KSR1: variants seen among roughly 807,000 people sequenced by gnomAD.
KSR1 encodes the protein kinase suppressor of ras 1.
Under a neutral mutation model 92.9 loss-of-function variants are expected in KSR1, and 35 were observed. The ratio of observed to expected loss-of-function variants is 0.38; its 90% CI spans 0.29 to 0.50. KSR1 has a LOEUF of 0.50. Among genes scored for constraint, KSR1 ranks in the 20% least tolerant of loss-of-function variants. The pLI, the probability that KSR1 is intolerant of heterozygous loss-of-function variation, is 0.94. For synonymous variants in KSR1, 467 were observed against 472.6 expected (o/e 0.99, Z 0.15); for missense variants, 972 against 1,158.5 (o/e 0.84, Z 2.34).
At chr17:27,533,955 G>A (rs1484890061) in intron 1 of KSR1, among the ~76,000 whole-genome samples, 1 of 135,730 alleles carries the variant, frequency 7.4e-6, no homozygotes, top group African/African-American at 3.0e-5. Flanking sequence ...TGACAGGTGC[G>A]TGTGCGCACG....
intron 10 of KSR1, among the ~76,000 whole-genome samples, chr17:27,599,532 G>A (rs1220694992): frequency 6.6e-6 from 1 of 152,196 alleles, no homozygotes; most frequent in African/African-American, 2.4e-5. Context: ...ACTCCAGCCT[G>A]GGTGACAGAG....
intron 2 of KSR1, among the ~76,000 whole-genome samples, chr17:27,573,946 A>G (rs1192650816): frequency 6.6e-6 from 1 of 152,242 alleles, no homozygotes; most frequent in Non-Finnish European, 1.5e-5. Flanking sequence ...GGAGGAGATG[A>G]ATAAAAAGAA....
rs1440473704 is a variant in KSR1 at position 27,624,142 on chromosome 17, G to C, written c.*750G>C. 2.0e-5 allele frequency: 3 copies of C among 152,572 alleles called. No individual in the cohort carries two copies. The highest frequency in any genetic ancestry group is 7.2e-5 in the African/African-American group (3 of 41,464). The allele number at this position is 152,572 out of a possible 1,614,324, so 9.5% of individuals were successfully genotyped here. On this transcript the variant is annotated 3_prime_UTR_variant, in exon 21 of 21. Coordinates refer to ENST00000644974, the MANE Select transcript of KSR1 (RefSeq NM_001394583.1). ...TGAGGAAACATCCATGGCTTGTACA[G>C]ATGTGAGTCTTTGATGAAGCCCCCA...
At chr17:27,479,448 C>T (rs2068448351) in intron 1 of KSR1, among the ~76,000 whole-genome samples, 1 of 152,200 alleles carries the variant, frequency 6.6e-6, no homozygotes, top group Admixed American at 6.5e-5. Flanking sequence ...TCCCAGGTTG[C>T]ACCCCTCACC....
At chr17:27,597,516 C>A in intron 10 of KSR1, 80 bp downstream of exon 10, 1 of 1,407,056 alleles carries the variant, frequency 7.1e-7, no homozygotes, top group Non-Finnish European at 9.6e-7. Context: ...TCGGCAGATT[C>A]AAGGTCAGAC....
At chr17:27,571,846 C>T (rs2072321574) in intron 2 of KSR1, among the ~76,000 whole-genome samples, 1 of 152,258 alleles carries the variant, frequency 6.6e-6, no homozygotes, top group Non-Finnish European at 1.5e-5. Context: ...TCCTGGTCCA[C>T]CTGACTGGCC....
intron 1 of KSR1, among the ~76,000 whole-genome samples, chr17:27,470,465 C>T (rs144201700): frequency 5.8e-4 from 88 of 152,070 alleles, no homozygotes; most frequent in African/African-American, 2.0e-3. Context: ...TGATCTCAAA[C>T]CCCTGACCTC....
intron 1 of KSR1, among the ~76,000 whole-genome samples, chr17:27,542,532 G>A (rs1023006981): frequency 2.0e-5 from 3 of 152,146 alleles, no homozygotes; most frequent in Non-Finnish European, 4.4e-5. Context: ...GGGTTTGAGA[G>A]TTGCCCACAG....
intron 18 of KSR1, 78 bp from the exon 19 acceptor site, chr17:27,617,206 ATCAAAGGGACC>A: frequency 7.1e-7 from 1 of 1,403,202 alleles, no homozygotes; most frequent in Non-Finnish European, 9.4e-7. Flanking sequence ...ACTTGAGAAC[ATCAAAGGGACC>A]CTTTGTGGAG....
rs972696525 is a variant in KSR1 at position 27,622,073 on chromosome 17, C to T, written c.2708+800C>T. The T allele has an allele frequency of 1.1e-4, 83 of 784,232 alleles. 1 individual carries two copies. Among genetic ancestry groups the T allele is most frequent in the Non-Finnish European group, 1.7e-4 (79 of 462,940 alleles). The allele number at this position is 784,232 out of a possible 1,614,324, so 48.6% of individuals were successfully genotyped here. ...CCTCTGCTGCTCCAGTCGTCTCTCT[C>T]GAGGCTACTTCTTTTGCTTTGTTTT... is the stretch of plus-strand genomic sequence containing the variant. On this transcript the variant is annotated intron_variant, in intron 20 of 20. Transcript: ENST00000644974.
At chr17:27,594,517 A>G (rs750669313) in intron 9 of KSR1, among the ~76,000 whole-genome samples, 9 of 151,848 alleles carry the variant, frequency 5.9e-5, no homozygotes, top group Non-Finnish European at 8.8e-5. Flanking sequence ...CTCTGTCCCA[A>G]CTTCCCCATG....
At chr17:27,565,875 AT>A (rs901144347) in intron 2 of KSR1, among the ~76,000 whole-genome samples, 5 of 150,752 alleles carry the variant, frequency 3.3e-5, no homozygotes, top group Non-Finnish European at 5.9e-5. Context: ...TGTTTTCTAC[AT>A]TTTTTTTTTC....
intron 1 of KSR1, among the ~76,000 whole-genome samples, chr17:27,529,414 T>A (rs1170016647): frequency 6.6e-6 from 1 of 152,252 alleles, no homozygotes; most frequent in Non-Finnish European, 1.5e-5. Context: ...ATTGTTTCTT[T>A]AGGATAAATT....
chr17:27,459,298 C>T lies in KSR1; in HGVS notation c.231+2424C>T, dbSNP rs1373511716. Among the ~76,000 whole-genome samples, 8 of 152,218 alleles carry T rather than the reference C, an allele frequency of 5.3e-5. No individual in the cohort carries two copies. The highest frequency in any genetic ancestry group is 1.2e-4 in the Non-Finnish European group (8 of 68,042). ...CTGGCAGCTGCCCCTAGTGAGGGTC[C>T]AGTAGCATTTATGGCACAGGCCACC... is the stretch of plus-strand genomic sequence containing the variant. On this transcript the variant is annotated intron_variant, in intron 1 of 20. Transcript: ENST00000644974. The surrounding 1 kb of genome is among the most constrained non-coding windows in gnomAD (Gnocchi z 4.6).
intron 1 of KSR1, among the ~76,000 whole-genome samples, chr17:27,544,927 G>A (rs1486572044): frequency 2.0e-5 from 3 of 152,212 alleles, no homozygotes; most frequent in Non-Finnish European, 4.4e-5. Context: ...CTGCCTGTAG[G>A]CCACCTCCAT....
In KSR1 at chr17:27,577,395, G is replaced by A. The variant is rs2072551435; in HGVS notation, c.373-97G>A. On this transcript the variant is annotated intron_variant, in intron 2 of 20. Coordinates refer to ENST00000644974, the MANE Select transcript of KSR1 (RefSeq NM_001394583.1). The surrounding 1 kb of genome is among the most constrained non-coding windows in gnomAD (Gnocchi z 4.5). ...TCAGAGGCCGGCCCAGCCAGCAGCT[G>A]GCCCCTGCCACTCAGCAGGAGGCCA... 1 of 721,334 alleles carries A rather than the reference G, an allele frequency of 1.4e-6. No individual in the cohort carries two copies. Among genetic ancestry groups the A allele is most frequent in the South Asian group, 1.7e-5 (1 of 57,430 alleles). The allele number at this position is 721,334 out of a possible 1,614,324, so 44.7% of individuals were successfully genotyped here.
At chr17:27,566,327 C>CT (rs1389090883) in intron 2 of KSR1, 1 of 396,524 alleles carries the variant, frequency 2.5e-6, no homozygotes, top group African/African-American at 2.1e-5. Context: ...CAGGCACAAA[C>CT]TATTTTTGGC....
chr17:27,490,059 G>A (rs1405650498), intron 1 of KSR1, among the ~76,000 whole-genome samples: 1 of 152,232 alleles, frequency 6.6e-6, no homozygotes, highest in Non-Finnish European at 1.5e-5. Context: ...ATGGTAAGGT[G>A]TCGGGCAAGT....
intron 2 of KSR1, among the ~76,000 whole-genome samples, chr17:27,576,372 G>C (rs1333869948): frequency 6.6e-6 from 1 of 152,138 alleles, no homozygotes; most frequent in Non-Finnish European, 1.5e-5. Context: ...GATAAAGTTA[G>C]TAAGTTGGGC....
Sources: allele counts gnomAD v4.1 joint callset (sites outside exome capture counted in the v4.1 genomes callset), GRCh38; gene constraint gnomAD v4.1.1; non-coding constraint Gnocchi (gnomAD v3.1); transcripts MANE v1.5; gene names NCBI Gene and HGNC (gene_info 2026-07-23, HGNC 2026-07-21).